ABR: variants seen among roughly 807,000 people sequenced by gnomAD.
The protein encoded by ABR is active breakpoint cluster region-related protein.
ABR carries 35 observed loss-of-function variants against 107.2 expected under a neutral mutation model. The observed-to-expected ratio is 0.33, with a 90% CI of 0.25 to 0.43. ABR has a LOEUF of 0.43. ABR is among the 20% of genes least tolerant of loss of function. The probability of loss-of-function intolerance (pLI) is 1.00; values close to 1 mark genes in which losing one functional copy is unlikely to be tolerated. For missense variants in ABR, 815 were observed against 1,115.2 expected (o/e 0.73, Z 3.83); for synonymous variants, 498 against 462.0 (o/e 1.08, Z -1.00).
At chr17:1,140,928 C>T (rs554503073) in intron 1 of ABR, among the ~76,000 whole-genome samples, 1 of 152,006 alleles carries the variant, frequency 6.6e-6, no homozygotes, top group East Asian at 1.9e-4. Context: ...GAGCTGAGAT[C>T]GCACCACAGC....
chr17:1,206,255 A>G (rs755751674), intron 1 of ABR, among the ~76,000 whole-genome samples: 4 of 152,234 alleles, frequency 2.6e-5, no homozygotes, highest in African/African-American at 4.8e-5. Context: ...TGATGCGTTT[A>G]TAGTGTAACT....
chr17:1,207,372 G>A (rs189169345), intron 1 of ABR, among the ~76,000 whole-genome samples: 5 of 152,030 alleles, frequency 3.3e-5, no homozygotes, highest in East Asian at 1.9e-4. Flanking sequence ...ATATTTGGCC[G>A]TGTGCAGTGG....
rs746989301 is a variant in ABR, at chr17:1,050,094, T to C, written c.1747A>G (p.Asn583Asp). 6.2e-7 allele frequency: 1 copy of C among 1,614,160 alleles called. No individual in the cohort carries two copies. The highest frequency in any genetic ancestry group is 8.5e-7 in the Non-Finnish European group (1 of 1,180,008). The change falls in exon 16 of 23, where the codon AAC (asparagine) becomes GAC (aspartate). Residue 583 changes from asparagine (N) to aspartate (D), a missense_variant. Physicochemically the swap from Asn to Asp is conservative, Grantham distance 23 (BLOSUM62 1). Around this residue, in one of 5 missense-constraint regions of ABR, gnomAD observed 92 missense variants for 82.3 expected, o/e 1.12. Transcript: ENST00000302538. This position sits in a 1 kb window ranked among gnomAD's most constrained non-coding sequence, Gnocchi z 4.6. Reference protein sequence around the residue: ...CYDKTKVNKDNNEIVDKIMGK... With the variant: ...CYDKTKVNKDDNEIVDKIMGK... ...ATGATCTTGTCCACGATCTCATTGTTGTCCTTGTTGACCTTGGTCTTGTCA... is the reference window on the plus strand; with the variant it reads ...ATGATCTTGTCCACGATCTCATTGTCGTCCTTGTTGACCTTGGTCTTGTCA...
intron 1 of ABR, among the ~76,000 whole-genome samples, chr17:1,132,933 G>A (rs969917611): frequency 6.6e-6 from 1 of 152,128 alleles, no homozygotes; most frequent in Non-Finnish European, 1.5e-5. Context: ...AGAAACTCTT[G>A]GAGGCTGCCT....
At chr17:1,151,617 A>G (rs889686811) in intron 1 of ABR, among the ~76,000 whole-genome samples, 1 of 152,192 alleles carries the variant, frequency 6.6e-6, no homozygotes. Context: ...GTGTTTCTTC[A>G]CAGGACATCC....
intron 1 of ABR, among the ~76,000 whole-genome samples, chr17:1,132,364 A>C (rs1157773243): frequency 1.4e-5 from 2 of 144,914 alleles, no homozygotes; most frequent in Non-Finnish European, 3.0e-5. Flanking sequence ...ATAATACTTG[A>C]ATACCGAAAG....
chr17:1,030,774 C>G (rs989223236), intron 16 of ABR, among the ~76,000 whole-genome samples: 1 of 152,266 alleles, frequency 6.6e-6, no homozygotes, highest in Non-Finnish European at 1.5e-5. Context: ...CCAAGGCCTC[C>G]CTTGTTGCTC....
chr17:1,162,539 C>G (rs574188158), intron 1 of ABR, among the ~76,000 whole-genome samples: 1 of 152,362 alleles, frequency 6.6e-6, no homozygotes, highest in South Asian at 2.1e-4. Flanking sequence ...CACATGGCCT[C>G]TGCCTCCAGG....
intron 1 of ABR, among the ~76,000 whole-genome samples, chr17:1,159,432 G>A (rs62069448): frequency 0.22 from 7,457 of 33,460 alleles, 2,457 homozygotes; most frequent in African/African-American, 0.42. Flanking sequence ...ACACGGGAGA[G>A]GTAAGAATGC....
At chr17:1,183,188 C>A (rs8068232), upstream of ABR, among the ~76,000 whole-genome samples, 2,791 of 152,204 alleles carry the variant, frequency 0.018, 72 homozygotes, top group African/African-American at 0.064. Context: ...AAATGTGGAC[C>A]GGGTGGGGAC....
intron 1 of ABR, among the ~76,000 whole-genome samples, chr17:1,220,689 A>G (rs1279277133): frequency 1.3e-5 from 2 of 152,222 alleles, no homozygotes; most frequent in Non-Finnish European, 2.9e-5. Flanking sequence ...CCTCCTTGCA[A>G]TGGGTTCCTC....
At chr17:1,137,903 CT>C (rs1310688018) in intron 1 of ABR, among the ~76,000 whole-genome samples, 9,562 of 144,124 alleles carry the variant, frequency 0.066, 297 homozygotes, top group Middle Eastern at 0.11. Flanking sequence ...ACCACAATTA[CT>C]TTTTTTTTTT....
chr17:1,053,652 T>A (rs1297011521), intron 14 of ABR, among the ~76,000 whole-genome samples: 1 of 151,962 alleles, frequency 6.6e-6, no homozygotes, highest in Non-Finnish European at 1.5e-5. Context: ...AACAGACATA[T>A]GAGTGGGTCA....
upstream of ABR, among the ~76,000 whole-genome samples, chr17:1,180,716 C>A (rs566428175): frequency 9.4e-4 from 143 of 152,314 alleles, no homozygotes; most frequent in Non-Finnish European, 1.3e-3. Context: ...GGTGGGAAGT[C>A]GGGTCAAGAG....
chr17:1,201,707 G>A (rs550249885), intron 1 of ABR, among the ~76,000 whole-genome samples: 24 of 151,988 alleles, frequency 1.6e-4, no homozygotes, highest in African/African-American at 5.8e-4. Flanking sequence ...AGAGAGTCTC[G>A]CTCTGTTGCC....
intron 16 of ABR, among the ~76,000 whole-genome samples, chr17:1,017,137 G>A (rs531259902): frequency 2.1e-4 from 32 of 152,190 alleles, no homozygotes; most frequent in South Asian, 6.2e-4. Context: ...CCACTGCTCC[G>A]GGCACCTCTT....
At chr17:1,167,015 C>G (rs917260758) in intron 1 of ABR, among the ~76,000 whole-genome samples, 23 of 151,980 alleles carry the variant, frequency 1.5e-4, no homozygotes, top group Admixed American at 3.3e-4. Flanking sequence ...AAACAACAAA[C>G]AAGCAAACAA....
At chr17:1,176,514 G>A (rs2041923703) in intron 1 of ABR, among the ~76,000 whole-genome samples, 1 of 152,204 alleles carries the variant, frequency 6.6e-6, no homozygotes, top group Non-Finnish European at 1.5e-5. Flanking sequence ...CTCTGTAAGA[G>A]TTGCAGAGTT....
intron 4 of ABR, 45 bp from the exon 5 acceptor site, chr17:1,083,672 G>A (rs766393035): frequency 6.3e-5 from 90 of 1,434,322 alleles, no homozygotes; most frequent in Non-Finnish European, 7.7e-5. Flanking sequence ...GGGTGGGAGG[G>A]GAGAGGATTA....
Sources: gnomAD v4.1 joint callset for allele counts (sites outside exome capture counted in the v4.1 genomes callset) on GRCh38, gnomAD v4.1.1 for gene constraint, gnomAD v4.1.1 regional missense constraint, Gnocchi (gnomAD v3.1) non-coding constraint, MANE v1.5 for transcripts, NCBI Gene and HGNC (gene_info 2026-07-23, HGNC 2026-07-21) for gene names.